Variants in KCNIP4 observed in about 807,000 individuals in gnomAD.
KCNIP4 encodes Kv channel-interacting protein 4.
KCNIP4 carries 12 observed loss-of-function variants against 34.0 expected under a neutral mutation model. The ratio of observed to expected loss-of-function variants is 0.35; its 90% CI spans 0.23 to 0.57. The LOEUF (loss-of-function observed/expected upper bound fraction) is 0.57, where lower values mean the gene tolerates loss of function less well. Ranked by LOEUF, KCNIP4 falls within the 20% of genes least tolerant of loss-of-function variation. KCNIP4 has a pLI of 0.83. For missense variants in KCNIP4, 238 were observed against 311.7 expected (o/e 0.76, Z 1.78); for synonymous variants, 124 against 102.2 (o/e 1.21, Z -1.29).
At chr4:21,453,362 T>C (rs1027055492) in intron 1 of KCNIP4, among the ~76,000 whole-genome samples, 2 of 152,106 alleles carry the variant, frequency 1.3e-5, no homozygotes, top group Non-Finnish European at 2.9e-5. Context: ...CATAATCTCA[T>C]TGAATTCCTC....
chr4:21,407,661 C>T (rs897517369), intron 1 of KCNIP4, among the ~76,000 whole-genome samples: 2 of 152,162 alleles, frequency 1.3e-5, no homozygotes, highest in Admixed American at 6.5e-5. Context: ...GTGCCAGAAC[C>T]TAAACTCTTA....
chr4:20,874,582 A>G (rs1723801588), intron 2 of KCNIP4, among the ~76,000 whole-genome samples: 2 of 152,116 alleles, frequency 1.3e-5, no homozygotes, highest in African/African-American at 4.8e-5. Flanking sequence ...GAATGATTTA[A>G]TGACAACTTC....
chr4:21,440,181 T>C (rs1727335935), intron 1 of KCNIP4, among the ~76,000 whole-genome samples: 3 of 152,254 alleles, frequency 2.0e-5, no homozygotes, highest in Admixed American at 6.5e-5. Context: ...TGCAATATCA[T>C]TAATAGTACA....
intron 1 of KCNIP4, among the ~76,000 whole-genome samples, chr4:20,931,221 A>G (rs1318238367): frequency 6.6e-6 from 1 of 151,656 alleles, no homozygotes; most frequent in Non-Finnish European, 1.5e-5. Context: ...ACAAACATAC[A>G]CTGAATATTC....
chr4:20,797,073 A>G (rs749503986), intron 3 of KCNIP4, among the ~76,000 whole-genome samples: 11 of 152,206 alleles, frequency 7.2e-5, no homozygotes, highest in African/African-American at 2.7e-4. Flanking sequence ...TAAAAATTCA[A>G]TTTCAGACCT....
chr4:20,803,723 G>GGA (rs531921766), intron 3 of KCNIP4, among the ~76,000 whole-genome samples: 17,647 of 116,458 alleles, frequency 0.15, 1,606 homozygotes, highest in East Asian at 0.32. Context: ...GAGAGAGAGA[G>GGA]AGAGAGGAAG....
At chr4:21,877,786 A>G (rs1726218099) in intron 1 of KCNIP4, among the ~76,000 whole-genome samples, 1 of 152,016 alleles carries the variant, frequency 6.6e-6, no homozygotes. Flanking sequence ...TCTGTTTCTA[A>G]CCCTTCTCCT....
intron 1 of KCNIP4, among the ~76,000 whole-genome samples, chr4:21,089,085 A>C (rs1186669221): frequency 2.0e-5 from 3 of 152,156 alleles, no homozygotes; most frequent in African/African-American, 7.2e-5. Context: ...GCCCCTCCTA[A>C]AATTTTAGCA....
intron 1 of KCNIP4, among the ~76,000 whole-genome samples, chr4:21,817,099 T>G (rs557213234): frequency 1.3e-5 from 2 of 152,112 alleles, no homozygotes; most frequent in Non-Finnish European, 1.5e-5. Flanking sequence ...TCTTATTATC[T>G]TCATTCCAAT....
intron 3 of KCNIP4, among the ~76,000 whole-genome samples, chr4:20,792,356 C>T (rs1712878372): frequency 6.6e-6 from 1 of 151,962 alleles, no homozygotes; most frequent in Admixed American, 6.6e-5. Context: ...CAGAACGAGA[C>T]TCCATCTCAA....
intron 1 of KCNIP4, among the ~76,000 whole-genome samples, chr4:21,392,132 G>A (rs1053700630): frequency 6.6e-6 from 1 of 152,184 alleles, no homozygotes; most frequent in African/African-American, 2.4e-5. Flanking sequence ...GACAATAAAT[G>A]GAAGGGAACT....
At chr4:21,783,135 T>C (rs1319215917) in intron 1 of KCNIP4, among the ~76,000 whole-genome samples, 2 of 150,354 alleles carry the variant, frequency 1.3e-5, no homozygotes, top group Non-Finnish European at 3.0e-5. Flanking sequence ...GACATAGAAC[T>C]ACATACATAC....
At chr4:21,338,616 AC>A (rs1716428084) in intron 1 of KCNIP4, among the ~76,000 whole-genome samples, 1 of 151,652 alleles carries the variant, frequency 6.6e-6, no homozygotes, top group African/African-American at 2.4e-5. Flanking sequence ...CAAAAAAAAA[AC>A]AAAAAACAAA....
intron 1 of KCNIP4, among the ~76,000 whole-genome samples, chr4:21,679,339 G>A (rs555611462): frequency 6.6e-5 from 10 of 152,258 alleles, no homozygotes; most frequent in African/African-American, 2.4e-4. Flanking sequence ...ACTACATGAG[G>A]CTAAGATCTT....
intron 1 of KCNIP4, among the ~76,000 whole-genome samples, chr4:21,175,852 A>C (rs1754364582): frequency 6.6e-6 from 1 of 152,204 alleles, no homozygotes; most frequent in South Asian, 2.1e-4. Context: ...CAGATAAATG[A>C]AACTACAGAA....
chr4:21,586,466 A>T lies in KCNIP4; in HGVS notation c.61+362105T>A, dbSNP rs150685207. On this transcript the variant is annotated intron_variant, in intron 1 of 8. Transcript: ENST00000382152. ...CTCCCTTTGGGTGAATGTGGAGGGGATGGGTGTTAGGCGTGTGGGAGCAGC... is the reference window on the plus strand; with the variant it reads ...CTCCCTTTGGGTGAATGTGGAGGGGTTGGGTGTTAGGCGTGTGGGAGCAGC... 1.5e-4 allele frequency among the ~76,000 whole-genome samples: 23 copies of T among 152,014 alleles called. No individual in the cohort carries two copies. In the East Asian group the frequency reaches 4.5e-3, roughly 30 times the overall value.
chr4:21,040,235 A>T (rs1741838060), intron 1 of KCNIP4, among the ~76,000 whole-genome samples: 1 of 152,184 alleles, frequency 6.6e-6, no homozygotes, highest in Admixed American at 6.5e-5. Context: ...GCTAGAACAG[A>T]AATAAGTAGC....
intron 1 of KCNIP4, among the ~76,000 whole-genome samples, chr4:21,402,314 A>G (rs914396380): frequency 2.0e-5 from 3 of 152,224 alleles, no homozygotes; most frequent in South Asian, 2.1e-4. Flanking sequence ...CAGTGGAAGC[A>G]TAAATAACTA....
chr4:21,534,375 A>C (rs1247343990), intron 1 of KCNIP4, among the ~76,000 whole-genome samples: 1 of 152,142 alleles, frequency 6.6e-6, no homozygotes, highest in Admixed American at 6.5e-5. Context: ...CTGAACAGGG[A>C]ATATGATAAA....
Sources: gnomAD v4.1 joint callset for allele counts (sites outside exome capture counted in the v4.1 genomes callset) on GRCh38, gnomAD v4.1.1 for gene constraint, MANE v1.5 for transcripts, NCBI Gene and HGNC (gene_info 2026-07-23, HGNC 2026-07-21) for gene names.